SPHKAP: variants seen among roughly 807,000 people sequenced by gnomAD.
SPHKAP encodes SPHK1 interactor, AKAP domain containing, also known as A-kinase anchor protein SPHKAP.
In SPHKAP, 67 loss-of-function variants were observed where a neutral mutation model predicts 137.5. The ratio of observed to expected loss-of-function variants is 0.49; its 90% CI spans 0.40 to 0.60. SPHKAP has a LOEUF of 0.60. Among genes scored for constraint, SPHKAP ranks in the 20% least tolerant of loss-of-function variants. The probability of loss-of-function intolerance (pLI) is 0.00; values close to 1 mark genes in which losing one functional copy is unlikely to be tolerated. For missense variants in SPHKAP, 2,097 were observed against 2,069.3 expected, an observed-to-expected ratio of 1.01 and a Z score of -0.26; for synonymous variants, 813 against 785.3, an observed-to-expected ratio of 1.04 and a Z score of -0.59.
chr2:227,984,082 C>G (rs907638560), intron 11 of SPHKAP, among the ~76,000 whole-genome samples: 1 of 152,004 alleles, frequency 6.6e-6, no homozygotes, highest in Non-Finnish European at 1.5e-5. Flanking sequence ...AGGCTGATCA[C>G]GAGGTCAGGA....
chr2:228,001,481 A>G (rs1291186057), intron 7 of SPHKAP, among the ~76,000 whole-genome samples: 2 of 144,286 alleles, frequency 1.4e-5, no homozygotes, highest in Non-Finnish European at 3.0e-5. Flanking sequence ...ATAAAAATAT[A>G]TATACGTATA....
rs929467115 is a variant in SPHKAP at position 227,980,392 on chromosome 2, A to C, written c.*1325T>G. 5 of 152,234 alleles carry C rather than the reference A, an allele frequency of 3.3e-5. No homozygotes were observed. The highest frequency in any genetic ancestry group is 7.3e-5 in the Non-Finnish European group (5 of 68,042). The allele number at this position is 152,234 out of a possible 1,614,324, so 9.4% of individuals were successfully genotyped here. ...ATTCATGGTATGGGAACCTGTTCAC[A>C]TTTAAAATTACTTTGTGATCTTTAA... On this transcript the variant is annotated 3_prime_UTR_variant, in exon 12 of 12. Transcript: ENST00000392056.
intron 1 of SPHKAP, among the ~76,000 whole-genome samples, chr2:228,155,812 A>C (rs1700091342): frequency 6.6e-6 from 1 of 152,224 alleles, no homozygotes; most frequent in Non-Finnish European, 1.5e-5. Context: ...CTTTGAGAGA[A>C]ATCCTATAAA....
At chr2:228,137,884 A>T (rs1188488939) in intron 1 of SPHKAP, among the ~76,000 whole-genome samples, 1 of 152,230 alleles carries the variant, frequency 6.6e-6, no homozygotes, top group East Asian at 1.9e-4. Flanking sequence ...TTTACCTGTT[A>T]CATGAAGCCC....
chr2:228,174,514 C>G (rs1363732591), intron 1 of SPHKAP, among the ~76,000 whole-genome samples: 1 of 152,184 alleles, frequency 6.6e-6, no homozygotes, highest in Non-Finnish European at 1.5e-5. Flanking sequence ...CGGTCACTCA[C>G]TACATGAGTA....
At chr2:228,021,559 T>G (rs1694840750) in intron 6 of SPHKAP, 152 bp downstream of exon 6, 2 of 944,366 alleles carry the variant, frequency 2.1e-6, no homozygotes, top group Non-Finnish European at 3.2e-6. Flanking sequence ...ACCAGTGTTC[T>G]CATATCCTCC....
intron 3 of SPHKAP, among the ~76,000 whole-genome samples, chr2:228,063,190 GTCTGTCTA>G (rs1300882990): frequency 5.3e-5 from 8 of 149,548 alleles, no homozygotes; most frequent in Non-Finnish European, 9.0e-5. Flanking sequence ...CTGTCTGTCT[GTCTGTCTA>G]TCTATCTATC....
chr2:228,084,599 T>C (rs35351653), intron 3 of SPHKAP, among the ~76,000 whole-genome samples: 42,590 of 152,078 alleles, frequency 0.28, 6,275 homozygotes, highest in Admixed American at 0.38. Context: ...GGAGCTTTGT[T>C]TTAGGCCATC....
In SPHKAP at chr2:228,019,280, A is replaced by C; in HGVS notation, c.1574T>G (p.Val525Gly). ...ACTGCTCCCTGGGGGAAAGTTCGAG[A>C]CCACTTGCTCCATTTTGAGTCTTTC... ...ATERLKMEQV[V>G]SNFPPGSSGA... is the part of the protein sequence containing the mutation. Residue 525 changes from valine (V) to glycine (G), a missense_variant, in exon 7 of 12, where the codon GTC becomes GGC. Coordinates refer to ENST00000392056, the MANE Select transcript of SPHKAP (RefSeq NM_001142644.2). 2 of 1,614,002 alleles carry C rather than the reference A, an allele frequency of 1.2e-6. No individual in the cohort carries two copies. The highest frequency in any genetic ancestry group is 1.7e-6 in the Non-Finnish European group (2 of 1,180,014).
At chr2:228,013,617 A>G (rs1694467072) in intron 7 of SPHKAP, among the ~76,000 whole-genome samples, 1 of 152,228 alleles carries the variant, frequency 6.6e-6, no homozygotes, top group African/African-American at 2.4e-5. Flanking sequence ...AACAGCAATG[A>G]CAACAACCAA....
At chr2:228,082,854 G>A (rs553045275) in intron 3 of SPHKAP, among the ~76,000 whole-genome samples, 17 of 152,270 alleles carry the variant, frequency 1.1e-4, no homozygotes, top group South Asian at 4.2e-4. Context: ...CTGGCAGACC[G>A]GAAATATTAA....
intron 1 of SPHKAP, among the ~76,000 whole-genome samples, chr2:228,175,520 C>A (rs1044762456): frequency 2.0e-5 from 3 of 152,002 alleles, no homozygotes; most frequent in African/African-American, 4.8e-5. Context: ...AATCCTGGAG[C>A]AACCACACAC....
At chr2:228,073,975 C>T (rs1559159110) in intron 3 of SPHKAP, among the ~76,000 whole-genome samples, 3 of 152,164 alleles carry the variant, frequency 2.0e-5, no homozygotes, top group Non-Finnish European at 1.5e-5. Context: ...GAGAACCACA[C>T]TGTGAAATAT....
In SPHKAP at chr2:228,086,111, G is replaced by C. The variant is rs1236789184; in HGVS notation, c.246+22721C>G. 2.6e-5 allele frequency among the ~76,000 whole-genome samples: 4 copies of C among 152,074 alleles called. No homozygotes were observed. The East Asian group carries it at 5.8e-4, about 22-fold the overall frequency. On this transcript the variant is annotated intron_variant, in intron 3 of 11. Transcript: ENST00000392056. ...GAGAAAGTAGTGAGTTTCAGGTCTG[G>C]AGTGACAGTATGAAGAGCTCTTAGG...
intron 3 of SPHKAP, among the ~76,000 whole-genome samples, chr2:228,028,833 C>A (rs903699560): frequency 2.0e-5 from 3 of 152,190 alleles, no homozygotes; most frequent in African/African-American, 7.2e-5. Context: ...TGACTCATGC[C>A]TGTAATTTAA....
intron 1 of SPHKAP, among the ~76,000 whole-genome samples, chr2:228,154,763 G>T (rs1700060052): frequency 1.5e-5 from 2 of 133,246 alleles, no homozygotes; most frequent in South Asian, 2.5e-4. Flanking sequence ...GTTTCACCAT[G>T]TTAGCCAGGA....
chr2:228,014,605 G>C (rs1406854265), intron 7 of SPHKAP, among the ~76,000 whole-genome samples: 1 of 152,122 alleles, frequency 6.6e-6, no homozygotes, highest in Non-Finnish European at 1.5e-5. Flanking sequence ...GGCTAAAAAA[G>C]AAATATTTAA....
chr2:228,169,486 G>A (rs541494629), intron 1 of SPHKAP, among the ~76,000 whole-genome samples: 87 of 152,164 alleles, frequency 5.7e-4, no homozygotes, highest in Middle Eastern at 3.4e-3. Context: ...ATGGAACAAA[G>A]CCTGGATGAT....
At chr2:228,169,392 C>G (rs10173045) in intron 1 of SPHKAP, among the ~76,000 whole-genome samples, 20,533 of 152,006 alleles carry the variant, frequency 0.14, 1,400 homozygotes, top group East Asian at 0.2. Context: ...GTGACTTTAA[C>G]TGGAAGCTAA....
Sources: gnomAD v4.1 joint callset for allele counts (sites outside exome capture counted in the v4.1 genomes callset) on GRCh38, gnomAD v4.1.1 for gene constraint, MANE v1.5 for transcripts, NCBI Gene and HGNC (gene_info 2026-07-23, HGNC 2026-07-21) for gene names.